The following CHP1 variants were observed in gnomAD, a reference collection of about 807,000 sequenced individuals.
The protein encoded by CHP1 is calcineurin like EF-hand protein 1.
In CHP1, 11 loss-of-function variants were observed where a neutral mutation model predicts 27.4. The observed-to-expected ratio is 0.40, with a 90% CI of 0.25 to 0.67. CHP1 has a LOEUF of 0.67. Ranked by LOEUF, CHP1 falls within the 30% of genes least tolerant of loss-of-function variation. CHP1 has a pLI of 0.38. For synonymous variants in CHP1, 89 were observed against 87.4 expected (o/e 1.02, Z -0.10); for missense variants, 169 against 251.3 (o/e 0.67, Z 2.22).
chr15:41,244,014 A>G (rs1293853952), intron 2 of CHP1, among the ~76,000 whole-genome samples: 2 of 152,108 alleles, frequency 1.3e-5, no homozygotes, highest in Non-Finnish European at 1.5e-5. Flanking sequence ...CCTGACCAAC[A>G]TGGTGAAACC....
chr15:41,249,386 T>A (rs2047352491), intron 2 of CHP1, among the ~76,000 whole-genome samples: 1 of 149,864 alleles, frequency 6.7e-6, no homozygotes, highest in South Asian at 2.1e-4. Flanking sequence ...ACTCCTGAAC[T>A]CAAACCATCT....
At chr15:41,253,423 G>GTATT (rs71732753) in intron 2 of CHP1, among the ~76,000 whole-genome samples, 6,396 of 145,018 alleles carry the variant, frequency 0.044, 174 homozygotes, top group Middle Eastern at 0.05. Flanking sequence ...AGTTGACAAA[G>GTATT]TATTTATTTA....
chr15:41,273,535 C>T (rs550003939), intron 5 of CHP1, among the ~76,000 whole-genome samples: 5 of 152,016 alleles, frequency 3.3e-5, no homozygotes, highest in Non-Finnish European at 7.4e-5. Flanking sequence ...GCATGCGCCA[C>T]CACACACAGC....
At chr15:41,276,297 G>A (rs1389439151) in intron 5 of CHP1, among the ~76,000 whole-genome samples, 1 of 151,930 alleles carries the variant, frequency 6.6e-6, no homozygotes, top group African/African-American at 2.4e-5. Flanking sequence ...AAGGAGTGGA[G>A]GAAAGGAAGT....
At chr15:41,235,188 C>T (rs2047270515) in intron 1 of CHP1, among the ~76,000 whole-genome samples, 1 of 152,062 alleles carries the variant, frequency 6.6e-6, no homozygotes, top group African/African-American at 2.4e-5. Flanking sequence ...ACCCTTAATT[C>T]ACTTAATTGT....
At chr15:41,237,946 A>G (rs2047285891) in intron 1 of CHP1, among the ~76,000 whole-genome samples, 1 of 151,962 alleles carries the variant, frequency 6.6e-6, no homozygotes. Flanking sequence ...TTGACCTCGT[A>G]ATCCACCCAC....
intron 5 of CHP1, 67 bp downstream of exon 5, chr15:41,270,685 A>G: frequency 8.1e-7 from 1 of 1,234,264 alleles, no homozygotes; most frequent in East Asian, 2.3e-5. Context: ...GGCAGGAACT[A>G]TTCTTTCCTT....
intron 2 of CHP1, among the ~76,000 whole-genome samples, chr15:41,250,146 C>T (rs1021725571): frequency 6.7e-6 from 1 of 149,960 alleles, no homozygotes; most frequent in African/African-American, 2.5e-5. Context: ...AAACCTTGGT[C>T]AACAAGGTTA....
chr15:41,264,104 G>A (rs993088801), intron 4 of CHP1: 2 of 839,248 alleles, frequency 2.4e-6, no homozygotes, highest in African/African-American at 1.7e-5. Context: ...AAAGTATTAT[G>A]GTCACATGGC....
At chr15:41,251,768 C>T (rs186944569) in intron 2 of CHP1, among the ~76,000 whole-genome samples, 1 of 151,096 alleles carries the variant, frequency 6.6e-6, no homozygotes, top group African/African-American at 2.4e-5. Context: ...AAACTGGTCC[C>T]TGGTCCCAAA....
At chr15:41,274,425 C>CT (rs1301533757) in intron 5 of CHP1, among the ~76,000 whole-genome samples, 1 of 151,908 alleles carries the variant, frequency 6.6e-6, no homozygotes, top group Non-Finnish European at 1.5e-5. Context: ...ATGAGATAAC[C>CT]TTTTTTTTCT....
intron 5 of CHP1, among the ~76,000 whole-genome samples, chr15:41,273,062 A>G (rs58677271): frequency 0.13 from 19,746 of 152,046 alleles, 1,490 homozygotes; most frequent in South Asian, 0.27. Flanking sequence ...GTCTCAAAAA[A>G]AAAAGAAAAG....
intron 1 of CHP1, among the ~76,000 whole-genome samples, chr15:41,233,824 C>T (rs75950316): frequency 0.078 from 11,913 of 152,162 alleles, 619 homozygotes; most frequent in East Asian, 0.19. Flanking sequence ...GATAGATTAA[C>T]CTAGGGCATT....
In CHP1 at chr15:41,249,360, C is replaced by T. The variant is rs141827059; in HGVS notation, c.140+5621C>T. Among the ~76,000 whole-genome samples the T allele has an allele frequency of 5.9e-5, 9 of 151,762 alleles. No homozygotes were observed. The Admixed American group carries it at 5.9e-4, about 10-fold the overall frequency. ...TAGAGAGGAGGTCTCGCCATGTTCCCCATGACTGGTCTCGAACTCCTGAAC... is the reference window on the plus strand; with the variant it reads ...TAGAGAGGAGGTCTCGCCATGTTCCTCATGACTGGTCTCGAACTCCTGAAC... On this transcript the variant is annotated intron_variant, in intron 2 of 6. Coordinates refer to ENST00000334660, the MANE Select transcript of CHP1 (RefSeq NM_007236.5).
At chr15:41,242,183 C>G (rs2047309969) in intron 1 of CHP1, among the ~76,000 whole-genome samples, 2 of 152,166 alleles carry the variant, frequency 1.3e-5, no homozygotes, top group South Asian at 4.1e-4. Flanking sequence ...GCCTAATTTG[C>G]TTCCTTGGAG....
intron 2 of CHP1, among the ~76,000 whole-genome samples, chr15:41,249,151 T>C (rs902930223): frequency 6.6e-6 from 1 of 152,144 alleles, no homozygotes; most frequent in African/African-American, 2.4e-5. Flanking sequence ...TTCCAATCTT[T>C]TGTTACCTGG....
At position 41,243,210 on chromosome 15, in the gene CHP1, G is replaced by A. The variant is rs538576083; in HGVS notation, c.68-457G>A. ...CAAAAAATTAGCTGGGTGTGGTGGC[G>A]GAAGCCTGTAATCCCAGCTACTCGG... On this transcript the variant is annotated intron_variant, in intron 1 of 6. Coordinates refer to ENST00000334660, the MANE Select transcript of CHP1 (RefSeq NM_007236.5). 3.3e-5 allele frequency among the ~76,000 whole-genome samples: 5 copies of A among 151,992 alleles called. No individual in the cohort carries two copies. The South Asian group carries it at 6.2e-4, about 19-fold the overall frequency.
intron 1 of CHP1, among the ~76,000 whole-genome samples, 196 bp downstream of exon 1, chr15:41,231,645 G>C (rs2047243678): frequency 6.6e-6 from 1 of 151,990 alleles, no homozygotes; most frequent in Non-Finnish European, 1.5e-5. Flanking sequence ...AGCTACTGTG[G>C]GGCTGTCCTT....
At chr15:41,231,557 C>T (rs965702702) in intron 1 of CHP1, 108 bp downstream of exon 1, 8 of 1,011,378 alleles carry the variant, frequency 7.9e-6, no homozygotes, top group Non-Finnish European at 9.1e-6. Context: ...GTTGGGGGGT[C>T]CTGGGCAGCC....
Sources: allele counts gnomAD v4.1 joint callset (sites outside exome capture counted in the v4.1 genomes callset), GRCh38; gene constraint gnomAD v4.1.1; transcripts MANE v1.5; gene names NCBI Gene and HGNC (gene_info 2026-07-23, HGNC 2026-07-21).